CRK: variants seen among roughly 807,000 people sequenced by gnomAD.
CRK encodes CRK proto-oncogene, adaptor protein.
CRK carries 4 observed loss-of-function variants against 29.8 expected under a neutral mutation model. The ratio of observed to expected loss-of-function variants is 0.13; its 90% confidence interval spans 0.07 to 0.31. CRK has a LOEUF of 0.31. Ranked by LOEUF, CRK falls within the 10% of genes least tolerant of loss-of-function variation. CRK has a pLI of 1.00. For missense variants in CRK, 274 were observed against 396.5 expected, an observed-to-expected ratio of 0.69 and a Z score of 2.62; for synonymous variants, 153 against 164.9, an observed-to-expected ratio of 0.93 and a Z score of 0.55.
intron 1 of CRK, among the ~76,000 whole-genome samples, chr17:1,443,696 GC>G (rs2073952611): frequency 6.7e-6 from 1 of 150,290 alleles, no homozygotes; most frequent in South Asian, 2.1e-4. Flanking sequence ...ACCGCGCCCA[GC>G]CCCACTTTTT....
chr17:1,446,940 C>G (rs1240839846), intron 1 of CRK, among the ~76,000 whole-genome samples: 1 of 152,132 alleles, frequency 6.6e-6, no homozygotes, highest in African/African-American at 2.4e-5. Flanking sequence ...GAAACGTAAG[C>G]AAAACGCCAC....
chr17:1,454,804 A>C (rs1427194611), intron 1 of CRK, among the ~76,000 whole-genome samples: 5 of 152,146 alleles, frequency 3.3e-5, no homozygotes, highest in African/African-American at 1.2e-4. Context: ...GTACCTCACA[A>C]ATCTCCAGTA....
At chr17:1,439,006 G>T (rs376065392) in intron 1 of CRK, among the ~76,000 whole-genome samples, 1 of 150,918 alleles carries the variant, frequency 6.6e-6, no homozygotes, top group Non-Finnish European at 1.5e-5. Flanking sequence ...GCTAATTTTT[G>T]TATTTTTTGT....
intron 1 of CRK, among the ~76,000 whole-genome samples, chr17:1,451,932 C>G (rs984557727): frequency 1.3e-5 from 2 of 152,068 alleles, no homozygotes; most frequent in Non-Finnish European, 2.9e-5. Flanking sequence ...TTTCAGTGAG[C>G]CGAGACTGCA....
rs2073952075 is a variant in CRK, at chr17:1,443,635, G to A, written c.242-6480C>T. Among the ~76,000 whole-genome samples, 7 of 151,330 alleles carry A rather than the reference G, an allele frequency of 4.6e-5. No individual in the cohort carries two copies. In the South Asian group the frequency reaches 1.3e-3, roughly 27 times the overall value. On this transcript the variant is annotated intron_variant, in intron 1 of 2. Transcript: ENST00000300574. Reference sequence around the variant, plus strand: ...AGGATGGTTTCGATCTCCTGACCTCGTGATCCACCCACCTCGGCCTCCTAA... The same window carrying A: ...AGGATGGTTTCGATCTCCTGACCTCATGATCCACCCACCTCGGCCTCCTAA...
chr17:1,452,502 A>G (rs1227694248), intron 1 of CRK, among the ~76,000 whole-genome samples: 1 of 152,170 alleles, frequency 6.6e-6, no homozygotes, highest in African/African-American at 2.4e-5. Context: ...GGTTATACAG[A>G]CAGGCCAGGC....
intron 2 of CRK, among the ~76,000 whole-genome samples, chr17:1,430,654 C>A (rs1043683943): frequency 6.6e-6 from 1 of 151,454 alleles, no homozygotes; most frequent in East Asian, 2.0e-4. Flanking sequence ...CGTGAGCCAC[C>A]ACACCCAGCC....
chr17:1,430,102 T>C (rs2073824373), intron 2 of CRK, among the ~76,000 whole-genome samples: 1 of 151,600 alleles, frequency 6.6e-6, no homozygotes, highest in African/African-American at 2.4e-5. Flanking sequence ...TGGAGTGCAG[T>C]GGCACAATCT....
chr17:1,434,298 G>T (rs976159488), intron 2 of CRK, among the ~76,000 whole-genome samples: 1 of 152,108 alleles, frequency 6.6e-6, no homozygotes, highest in East Asian at 1.9e-4. Flanking sequence ...AGCTGCCAGT[G>T]TTTGAGATTT....
chr17:1,446,693 G>A (rs894716820), intron 1 of CRK, among the ~76,000 whole-genome samples: 2 of 148,490 alleles, frequency 1.3e-5, no homozygotes, highest in Non-Finnish European at 3.0e-5. Context: ...CTGGGTTCAC[G>A]CCATTCTCCT....
rs547236881 is a variant in CRK at position 1,433,118 on chromosome 17, A to G, written c.777+3502T>C. Among the ~76,000 whole-genome samples the G allele has an allele frequency of 7.2e-5, 11 of 152,326 alleles. No individual in the cohort carries two copies. The South Asian group carries it at 1.7e-3, about 23-fold the overall frequency. On this transcript the variant is annotated intron_variant, in intron 2 of 2. Coordinates refer to ENST00000300574, the MANE Select transcript of CRK (RefSeq NM_016823.4). Reference sequence around the variant, plus strand: ...TGGTGCAATCAGATCTAGAATTGGTACAGGAACAAAAGATTACCCAGCTGA... The same window carrying G: ...TGGTGCAATCAGATCTAGAATTGGTGCAGGAACAAAAGATTACCCAGCTGA...
At chr17:1,440,359 G>C (rs573575827) in intron 1 of CRK, among the ~76,000 whole-genome samples, 2 of 151,898 alleles carry the variant, frequency 1.3e-5, no homozygotes, top group South Asian at 4.2e-4. Flanking sequence ...AGCTACTTGG[G>C]AGGCTGAGGT....
chr17:1,445,109 C>T (rs984416295), intron 1 of CRK, among the ~76,000 whole-genome samples: 26 of 150,708 alleles, frequency 1.7e-4, no homozygotes, highest in African/African-American at 6.1e-4. Flanking sequence ...GATCGCGCCA[C>T]TGTACTCCAG....
intron 1 of CRK, among the ~76,000 whole-genome samples, chr17:1,453,686 C>A (rs1370957966): frequency 6.6e-6 from 1 of 152,084 alleles, no homozygotes; most frequent in Non-Finnish European, 1.5e-5. Context: ...GTGGGCAGAT[C>A]ACCTGAGGTC....
chr17:1,440,828 C>T (rs1203205236), intron 1 of CRK, among the ~76,000 whole-genome samples: 2 of 152,130 alleles, frequency 1.3e-5, no homozygotes, highest in Non-Finnish European at 2.9e-5. Flanking sequence ...CGCCTGAGCC[C>T]AGGGAGTCAA....
At chr17:1,428,994 C>T (rs1056330490) in intron 2 of CRK, among the ~76,000 whole-genome samples, 4 of 150,986 alleles carry the variant, frequency 2.6e-5, no homozygotes, top group East Asian at 3.9e-4. Context: ...TACTGGCGCA[C>T]GCCACCACGT....
intron 1 of CRK, among the ~76,000 whole-genome samples, chr17:1,442,394 G>A (rs1057001701): frequency 2.0e-5 from 3 of 151,140 alleles, no homozygotes; most frequent in Non-Finnish European, 4.4e-5. Flanking sequence ...TCAAGTGATC[G>A]GCCCACCTTG....
chr17:1,426,058 C>T (rs553194996), intron 2 of CRK, among the ~76,000 whole-genome samples: 117 of 143,318 alleles, frequency 8.2e-4, no homozygotes, highest in African/African-American at 3.2e-3. Flanking sequence ...TGTGGCCAAG[C>T]GTGGCCAAGC....
At chr17:1,433,975 C>T (rs1264638004) in intron 2 of CRK, among the ~76,000 whole-genome samples, 1 of 152,008 alleles carries the variant, frequency 6.6e-6, no homozygotes, top group Non-Finnish European at 1.5e-5. Context: ...GCTGGGATTA[C>T]AGGCGTAAGT....
Sources: allele counts gnomAD v4.1 joint callset (sites outside exome capture counted in the v4.1 genomes callset), GRCh38; gene constraint gnomAD v4.1.1; transcripts MANE v1.5; gene names NCBI Gene and HGNC (gene_info 2026-07-23, HGNC 2026-07-21).